The following IMMP2L variants were observed in gnomAD, a reference collection of about 807,000 sequenced individuals.
IMMP2L encodes inner mitochondrial membrane peptidase subunit 2.
Under a neutral mutation model 19.3 loss-of-function variants are expected in IMMP2L, and 18 were observed. That is an observed-to-expected ratio of 0.93 (90% CI 0.64 to 1.38). The LOEUF (loss-of-function observed/expected upper bound fraction) is 1.38, where lower values mean the gene tolerates loss of function less well. Among genes scored for constraint, IMMP2L ranks in the 40% most tolerant of loss-of-function variants. The pLI is 0.00. For synonymous variants in IMMP2L, 76 were observed against 73.0 expected (o/e 1.04, Z -0.21); for missense variants, 233 against 218.2 (o/e 1.07, Z -0.43).
chr7:111,339,535 T>G (rs1826801459), intron 3 of IMMP2L, among the ~76,000 whole-genome samples: 1 of 151,864 alleles, frequency 6.6e-6, no homozygotes, highest in Non-Finnish European at 1.5e-5. Context: ...ATGAAGCAAC[T>G]AAGACACAGT....
chr7:111,000,518 A>G (rs1823548711), intron 3 of IMMP2L, among the ~76,000 whole-genome samples: 1 of 152,178 alleles, frequency 6.6e-6, no homozygotes, highest in Non-Finnish European at 1.5e-5. Context: ...TATAGCATTT[A>G]TAACTTATTT....
rs367778552 is a variant in IMMP2L at position 111,284,294 on chromosome 7, G to GA, written c.239+202943dup. Among the ~76,000 whole-genome samples, 884 of 152,158 alleles carry GA rather than the reference G, an allele frequency of 5.8e-3. 11 individuals carry two copies. The highest frequency in any genetic ancestry group is 0.02 in the African/African-American group (847 of 41,532). ...GCCTTGCTGACTATTCAATATAACT[G>GA]AAAAAAATCATAACTTGTGTTTCCA... On this transcript the variant is annotated intron_variant, in intron 3 of 5. Transcript: ENST00000405709.
intron 3 of IMMP2L, among the ~76,000 whole-genome samples, chr7:111,220,774 C>A (rs1292842026): frequency 6.6e-6 from 1 of 152,000 alleles, no homozygotes; most frequent in African/African-American, 2.4e-5. Context: ...GTGATGTAGT[C>A]TGAAGACCTG....
chr7:111,387,710 G>A (rs886963879), intron 3 of IMMP2L, among the ~76,000 whole-genome samples: 1 of 151,830 alleles, frequency 6.6e-6, no homozygotes, highest in Admixed American at 6.6e-5. Flanking sequence ...AGGCGCAGTG[G>A]CTCACACCTA....
chr7:111,321,506 C>T (rs374256154), intron 3 of IMMP2L, among the ~76,000 whole-genome samples: 2 of 151,920 alleles, frequency 1.3e-5, no homozygotes, highest in African/African-American at 4.8e-5. Context: ...AAAAAAACTA[C>T]AACAATCTTT....
At chr7:111,168,224 T>C (rs1806046844) in intron 3 of IMMP2L, among the ~76,000 whole-genome samples, 2 of 152,074 alleles carry the variant, frequency 1.3e-5, no homozygotes, top group South Asian at 2.1e-4. Context: ...GAAAAAATGA[T>C]TTGCAAAAAT....
intron 3 of IMMP2L, among the ~76,000 whole-genome samples, chr7:111,303,378 TA>T (rs1822476948): frequency 1.3e-5 from 2 of 152,138 alleles, no homozygotes; most frequent in South Asian, 4.1e-4. Context: ...TGAATAAATT[TA>T]AAAGTTCAGT....
At chr7:111,104,108 T>G (rs1798276654) in intron 3 of IMMP2L, among the ~76,000 whole-genome samples, 1 of 151,750 alleles carries the variant, frequency 6.6e-6, no homozygotes, top group African/African-American at 2.4e-5. Context: ...AGTTTGGGCC[T>G]ATATTCAGGC....
intron 3 of IMMP2L, among the ~76,000 whole-genome samples, chr7:111,433,069 T>C (rs911944264): frequency 2.6e-5 from 4 of 151,668 alleles, no homozygotes; most frequent in African/African-American, 7.3e-5. Flanking sequence ...ACTGGGTAAT[T>C]TATAAAGAAA....
At chr7:110,677,527 C>T (rs575965197) in intron 5 of IMMP2L, among the ~76,000 whole-genome samples, 4 of 152,136 alleles carry the variant, frequency 2.6e-5, no homozygotes, top group Non-Finnish European at 5.9e-5. Context: ...ATAAACACAA[C>T]TCCTAATAAA....
chr7:111,239,488 T>G (rs1814743357), intron 3 of IMMP2L, among the ~76,000 whole-genome samples: 1 of 151,890 alleles, frequency 6.6e-6, no homozygotes, highest in African/African-American at 2.4e-5. Flanking sequence ...GTTCAATCTA[T>G]CATATTTACC....
intron 3 of IMMP2L, among the ~76,000 whole-genome samples, chr7:111,263,798 G>A (rs1004787652): frequency 3.9e-5 from 6 of 152,134 alleles, no homozygotes; most frequent in Non-Finnish European, 2.9e-5. Context: ...TGAAACACTA[G>A]GAGCACATGG....
chr7:111,201,485 G>A (rs185654200), intron 3 of IMMP2L, among the ~76,000 whole-genome samples: 1 of 152,204 alleles, frequency 6.6e-6, no homozygotes, highest in Non-Finnish European at 1.5e-5. Flanking sequence ...GGAGGCTGAG[G>A]GGGGCAGACT....
chr7:110,934,003 C>T (rs994949615), intron 4 of IMMP2L, among the ~76,000 whole-genome samples: 10 of 152,162 alleles, frequency 6.6e-5, no homozygotes, highest in Admixed American at 3.3e-4. Flanking sequence ...CTCTAAACAC[C>T]GCATTAGCTG....
At chr7:111,465,874 A>G (rs1840604439) in intron 3 of IMMP2L, among the ~76,000 whole-genome samples, 1 of 152,146 alleles carries the variant, frequency 6.6e-6, no homozygotes, top group African/African-American at 2.4e-5. Context: ...ACACATGCAC[A>G]CGTATGTTTA....
chr7:111,100,355 GT>G (rs1382828143), intron 3 of IMMP2L, among the ~76,000 whole-genome samples: 1 of 149,840 alleles, frequency 6.7e-6, no homozygotes, highest in East Asian at 1.9e-4. Flanking sequence ...TCTTTCTACA[GT>G]TTTAAACTTC....
chr7:111,561,668 G>T (rs1189364507), intron 1 of IMMP2L, among the ~76,000 whole-genome samples, 183 bp downstream of exon 1: 1 of 152,084 alleles, frequency 6.6e-6, no homozygotes, highest in African/African-American at 2.4e-5. Flanking sequence ...ACTGTGTGAG[G>T]CTGAAAACAG....
chr7:111,289,502 T>C (rs1480199673), intron 3 of IMMP2L, among the ~76,000 whole-genome samples: 8 of 152,032 alleles, frequency 5.3e-5, no homozygotes, highest in Admixed American at 5.2e-4. Flanking sequence ...AGTGCTTAAT[T>C]TGTAAGGTAA....
chr7:111,443,573 G>A (rs961706023), intron 3 of IMMP2L, among the ~76,000 whole-genome samples: 15 of 152,148 alleles, frequency 9.9e-5, no homozygotes, highest in African/African-American at 3.4e-4. Flanking sequence ...CTAGTGTGCT[G>A]CTTTACATTT....
Sources: allele counts gnomAD v4.1 joint callset (sites outside exome capture counted in the v4.1 genomes callset), GRCh38; gene constraint gnomAD v4.1.1; transcripts MANE v1.5; gene names NCBI Gene and HGNC (gene_info 2026-07-23, HGNC 2026-07-21).